GLIS3: variants seen among roughly 807,000 people sequenced by gnomAD.
GLIS3 encodes the protein zinc finger protein GLIS3.
In GLIS3, 53 loss-of-function variants were observed where a neutral mutation model predicts 78.6. The ratio of observed to expected loss-of-function variants is 0.67; its 90% CI spans 0.54 to 0.85. The LOEUF is 0.85. GLIS3 is among the 40% of genes least tolerant of loss of function. The probability of loss-of-function intolerance (pLI) is 0.00; values close to 1 mark genes in which losing one functional copy is unlikely to be tolerated. For missense variants in GLIS3, 1,703 were observed against 1,231.1 expected (o/e 1.38, Z -5.74); for synonymous variants, 684 against 509.9 (o/e 1.34, Z -4.60).
upstream of GLIS3, among the ~76,000 whole-genome samples, chr9:4,348,818 C>A (rs1024506796): frequency 4.6e-5 from 7 of 151,952 alleles, no homozygotes; most frequent in African/African-American, 1.5e-4. Context: ...ATGATTCCAA[C>A]TTTTATTCAA....
intron 6 of GLIS3, among the ~76,000 whole-genome samples, chr9:3,930,728 C>T (rs1395955271): frequency 2.6e-5 from 4 of 152,250 alleles, no homozygotes; most frequent in Non-Finnish European, 4.4e-5. Flanking sequence ...GGGTACTTTC[C>T]GATGTTAATG....
chr9:4,166,587 A>T (rs1815860445), intron 2 of GLIS3, among the ~76,000 whole-genome samples: 1 of 152,220 alleles, frequency 6.6e-6, no homozygotes, highest in African/African-American at 2.4e-5. Context: ...CCAACCTTGG[A>T]AAGGCCCCTT....
intron 9 of GLIS3, among the ~76,000 whole-genome samples, chr9:3,855,107 A>G (rs1473325957): frequency 1.3e-5 from 2 of 152,238 alleles, no homozygotes; most frequent in Non-Finnish European, 2.9e-5. Flanking sequence ...TGCCCTAGGA[A>G]GTAAAAGCCT....
At chr9:4,419,637 G>T in the GLIS3 span, among the ~76,000 whole-genome samples, 1 of 142,512 alleles carries the variant, frequency 7.0e-6, no homozygotes, top group Admixed American at 6.7e-5. Context: ...AAAATTAGCC[G>T]GGCGTGGTGG....
At chr9:4,448,540 G>A in the GLIS3 span, among the ~76,000 whole-genome samples, 3 of 152,180 alleles carry the variant, frequency 2.0e-5, no homozygotes, top group Admixed American at 6.5e-5. Context: ...GCACATTGTT[G>A]TTGTCATTAT....
At chr9:4,322,057 T>A (rs961346357) in intron 2 of GLIS3, among the ~76,000 whole-genome samples, 5 of 151,938 alleles carry the variant, frequency 3.3e-5, no homozygotes, top group African/African-American at 1.2e-4. Context: ...GGCCCTGGTG[T>A]GTGATGTTCC....
the GLIS3 span, among the ~76,000 whole-genome samples, chr9:4,449,850 A>G: frequency 7.9e-5 from 12 of 152,228 alleles, no homozygotes. Context: ...GGTCACCAGC[A>G]TCAAGGACCA....
At chr9:4,374,549 C>T in the GLIS3 span, among the ~76,000 whole-genome samples, 1 of 152,260 alleles carries the variant, frequency 6.6e-6, no homozygotes, top group Admixed American at 6.5e-5. Flanking sequence ...AAAGCTCACA[C>T]ATGGCGGCTG....
intron 4 of GLIS3, among the ~76,000 whole-genome samples, chr9:4,095,187 C>T (rs1229917973): frequency 2.0e-5 from 3 of 152,148 alleles, no homozygotes; most frequent in African/African-American, 7.2e-5. Context: ...TCCGCCTTCC[C>T]CCTACCCTTC....
chr9:3,833,723 G>A (rs1462380536), intron 9 of GLIS3, among the ~76,000 whole-genome samples: 1 of 152,180 alleles, frequency 6.6e-6, no homozygotes, highest in South Asian at 2.1e-4. Flanking sequence ...ATAAATGTAA[G>A]TTGGCAATAA....
intron 2 of GLIS3, among the ~76,000 whole-genome samples, chr9:4,284,044 T>C (rs1435220816): frequency 6.6e-6 from 1 of 152,230 alleles, no homozygotes; most frequent in Non-Finnish European, 1.5e-5. Flanking sequence ...GAGAATTCAC[T>C]AGCACCTGAG....
chr9:4,419,213 C>T, the GLIS3 span, among the ~76,000 whole-genome samples: 2 of 152,176 alleles, frequency 1.3e-5, no homozygotes, highest in East Asian at 3.8e-4. Context: ...AGAAAGACTC[C>T]ACTAGGTGCT....
At chr9:4,445,561 C>G in the GLIS3 span, among the ~76,000 whole-genome samples, 1 of 152,090 alleles carries the variant, frequency 6.6e-6, no homozygotes, top group Non-Finnish European at 1.5e-5. Context: ...TTGAGCCCAG[C>G]AATTCAAGCT....
chr9:4,274,485 C>T (rs911941620), intron 2 of GLIS3, among the ~76,000 whole-genome samples: 8 of 152,248 alleles, frequency 5.3e-5, no homozygotes, highest in African/African-American at 1.9e-4. Flanking sequence ...CACCCCACTC[C>T]ACCTTCCTCA....
At chr9:4,411,386 G>A in the GLIS3 span, among the ~76,000 whole-genome samples, 5 of 152,192 alleles carry the variant, frequency 3.3e-5, no homozygotes, top group South Asian at 8.3e-4. Flanking sequence ...AAATATTACC[G>A]GCAGTACTGG....
chr9:3,853,464 G>A (rs933334412), intron 9 of GLIS3, among the ~76,000 whole-genome samples: 1 of 139,224 alleles, frequency 7.2e-6, no homozygotes, highest in African/African-American at 2.4e-5. Context: ...CTGCCCTAGG[G>A]CTACAAACAT....
intron 7 of GLIS3, among the ~76,000 whole-genome samples, chr9:3,881,936 C>T (rs1385915566): frequency 5.9e-5 from 9 of 152,228 alleles, no homozygotes; most frequent in Non-Finnish European, 1.5e-5. Context: ...AGACAACTGA[C>T]CACACTCAAA....
chr9:3,902,298 G>T (rs1823363553), intron 6 of GLIS3, among the ~76,000 whole-genome samples: 1 of 152,146 alleles, frequency 6.6e-6, no homozygotes. Context: ...TGGAAGTGTA[G>T]TGTCCCTCAC....
At chr9:4,382,861 G>C in the GLIS3 span, among the ~76,000 whole-genome samples, 1 of 152,146 alleles carries the variant, frequency 6.6e-6, no homozygotes, top group Non-Finnish European at 1.5e-5. Flanking sequence ...AATTACATGA[G>C]GGAAGATTCC....
Sources: allele counts gnomAD v4.1 joint callset (sites outside exome capture counted in the v4.1 genomes callset), GRCh38; gene constraint gnomAD v4.1.1; transcripts MANE v1.5; gene names NCBI Gene and HGNC (gene_info 2026-07-23, HGNC 2026-07-21).